The following MTMR7 variants were observed in gnomAD, a reference collection of about 807,000 sequenced individuals.
MTMR7 encodes the protein myotubularin related protein 7.
MTMR7 carries 76 observed loss-of-function variants against 81.2 expected under a neutral mutation model. The ratio of observed to expected loss-of-function variants is 0.94; its 90% CI spans 0.78 to 1.13. The LOEUF (loss-of-function observed/expected upper bound fraction) is 1.13. Ranked by LOEUF, MTMR7 falls within the 50% of genes most tolerant of loss-of-function variation. MTMR7 has a pLI of 0.00. For synonymous variants in MTMR7, 372 were observed against 289.8 expected, an observed-to-expected ratio of 1.28 and a Z score of -2.88; for missense variants, 1,044 against 820.0, an observed-to-expected ratio of 1.27 and a Z score of -3.34.
intron 1 of MTMR7, among the ~76,000 whole-genome samples, chr8:17,399,469 G>T (rs1477886687): frequency 6.6e-6 from 1 of 152,072 alleles, no homozygotes; most frequent in African/African-American, 2.4e-5. Flanking sequence ...GCTGAGGAAA[G>T]AAATTAAAGA....
chr8:17,341,406 T>C lies in MTMR7; in HGVS notation c.689A>G (p.Asn230Ser), dbSNP rs140788515. ...GACATAAACGAAGTCACTTCCTGGA[T>C]TGGCTTTCCTAATGGCCTGGAGCAT... Reference protein sequence around the residue: ...EQMLQAIRKANPGSDFVYVVD... With the variant: ...EQMLQAIRKASPGSDFVYVVD... The change falls in exon 6 of 14, where the codon AAT becomes AGT. Residue 230 changes from asparagine to serine, a missense_variant. Physicochemically the swap from Asn to Ser is conservative, Grantham distance 46. Transcript: ENST00000180173. 314 of 1,614,224 alleles carry C rather than the reference T, an allele frequency of 1.9e-4. No individual in the cohort carries two copies. Among genetic ancestry groups the C allele is most frequent in the African/African-American group, 4.1e-4 (31 of 75,060 alleles).
At chr8:17,310,537 C>T (rs145726355) in intron 9 of MTMR7, among the ~76,000 whole-genome samples, 3 of 152,226 alleles carry the variant, frequency 2.0e-5, no homozygotes, top group African/African-American at 7.2e-5. Context: ...GACTGGCAAC[C>T]TCTTTACTCT....
intron 3 of MTMR7, among the ~76,000 whole-genome samples, chr8:17,362,360 T>A (rs566575317): frequency 5.9e-5 from 9 of 152,242 alleles, no homozygotes; most frequent in Non-Finnish European, 1.3e-4. Flanking sequence ...GGCTACCACC[T>A]TGGACAGTGC....
chr8:17,317,994 A>G (rs117456297), intron 7 of MTMR7, among the ~76,000 whole-genome samples: 4 of 152,248 alleles, frequency 2.6e-5, no homozygotes, highest in Non-Finnish European at 5.9e-5. Flanking sequence ...ACTGGAACAG[A>G]AACAAGAAAT....
intron 1 of MTMR7, among the ~76,000 whole-genome samples, chr8:17,398,540 G>C (rs566216611): frequency 2.0e-5 from 3 of 151,998 alleles, no homozygotes; most frequent in Non-Finnish European, 4.4e-5. Flanking sequence ...AAAACAATGA[G>C]GCATGCCTAC....
intron 1 of MTMR7, among the ~76,000 whole-genome samples, chr8:17,384,990 G>A (rs1328898724): frequency 5.9e-5 from 9 of 152,078 alleles, no homozygotes; most frequent in Non-Finnish European, 1.3e-4. Flanking sequence ...AGATACCTCT[G>A]GTATAATGAA....
intron 3 of MTMR7, 62 bp from the exon 4 acceptor site, chr8:17,361,336 C>A (rs1394888423): frequency 1.9e-6 from 3 of 1,586,852 alleles, no homozygotes; most frequent in South Asian, 1.1e-5. Flanking sequence ...CAAATCTCCC[C>A]GAAAACATTC....
intron 3 of MTMR7, among the ~76,000 whole-genome samples, chr8:17,364,090 C>T (rs1459658865): frequency 6.1e-5 from 8 of 130,632 alleles, no homozygotes; most frequent in Non-Finnish European, 1.1e-4. Context: ...AGTGCAGTGG[C>T]GCGATCTCGG....
At chr8:17,350,883 A>C (rs1484864725) in intron 4 of MTMR7, among the ~76,000 whole-genome samples, 1 of 152,212 alleles carries the variant, frequency 6.6e-6, no homozygotes, top group African/African-American at 2.4e-5. Context: ...AAGATTACCA[A>C]AGAGTTTAAC....
intron 1 of MTMR7, among the ~76,000 whole-genome samples, chr8:17,398,606 G>A (rs1377006107): frequency 1.3e-5 from 2 of 152,086 alleles, no homozygotes; most frequent in Non-Finnish European, 2.9e-5. Context: ...TTAAAGAGGA[G>A]GTAGAGAAAG....
At chr8:17,400,051 G>C (rs1455262649) in intron 1 of MTMR7, among the ~76,000 whole-genome samples, 1 of 152,154 alleles carries the variant, frequency 6.6e-6, no homozygotes, top group African/African-American at 2.4e-5. Context: ...TATTATGGCA[G>C]AGGAATACCC....
At chr8:17,313,007 A>T (rs1188149104) in intron 8 of MTMR7, among the ~76,000 whole-genome samples, 2 of 152,234 alleles carry the variant, frequency 1.3e-5, no homozygotes, top group African/African-American at 4.8e-5. Context: ...ATTTGGTTGT[A>T]TTCTACAGAA....
chr8:17,341,534 G>A (rs767241948), intron 5 of MTMR7, 37 bp from the exon 6 acceptor site: 2 of 1,608,394 alleles, frequency 1.2e-6, no homozygotes, highest in Non-Finnish European at 1.7e-6. Context: ...GCACCATCAG[G>A]TAACTGTACC....
intron 1 of MTMR7, among the ~76,000 whole-genome samples, chr8:17,377,422 A>G (rs996181996): frequency 1.3e-5 from 2 of 151,992 alleles, no homozygotes; most frequent in African/African-American, 4.8e-5. Context: ...TAATACTGTG[A>G]ATTGTTTTCT....
Position 17,309,272 on chromosome 8 carries a change from C to A in MTMR7, c.1151+5G>T. 6.6e-7 allele frequency: 1 copy of A among 1,516,878 alleles called. No individual in the cohort carries two copies. The highest frequency in any genetic ancestry group is 9.2e-7 in the Non-Finnish European group (1 of 1,092,772). The allele number at this position is 1,516,878 out of a possible 1,614,324, so 94.0% of individuals were successfully genotyped here. On this transcript the variant is annotated splice_donor_5th_base_variant and intron_variant, in intron 10 of 13. Transcript: ENST00000180173. ...ACATTCAAAACAGTCTTAAATATTA[C>A]TTACCGGTGATTAAACTTATGACCA...
chr8:17,308,426 T>C (rs1394607705), intron 10 of MTMR7, among the ~76,000 whole-genome samples: 5 of 152,098 alleles, frequency 3.3e-5, no homozygotes, highest in Admixed American at 6.5e-5. Context: ...ATTAGAAAAA[T>C]AGAATTCCTG....
intron 7 of MTMR7, 55 bp downstream of exon 7, chr8:17,331,095 T>C (rs1563338934): frequency 1.3e-6 from 2 of 1,566,050 alleles, no homozygotes; most frequent in Admixed American, 2.0e-5. Flanking sequence ...TTATTCCCTT[T>C]TGGCATCAAA....
At chr8:17,405,212 T>A (rs916283297) in intron 1 of MTMR7, among the ~76,000 whole-genome samples, 5 of 152,214 alleles carry the variant, frequency 3.3e-5, no homozygotes, top group Non-Finnish European at 7.3e-5. Context: ...ACTAGGGGAT[T>A]CACTGTCAAG....
rs1006142052 is a variant in MTMR7, at chr8:17,300,207, T to C, written c.1638A>G (p.Gln546=). 1.4e-5 allele frequency: 22 copies of C among 1,603,050 alleles called. No homozygotes were observed. The East Asian group carries it at 2.5e-4, about 18-fold the overall frequency. ...CCTTAGTGCAATTTAACTGGACCTTTTGAATTTTTTCCAGCCTCTAAGAAA... is the reference window on the plus strand; with the variant it reads ...CCTTAGTGCAATTTAACTGGACCTTCTGAATTTTTTCCAGCCTCTAAGAAA... ...EALEERLEKI[Q]KVQLNCTKVK... The change falls in exon 14 of 14, where the codon CAA becomes CAG. Residue 546 remains glutamine, a synonymous_variant. Transcript: ENST00000180173.
Sources: gnomAD v4.1 joint callset for allele counts (sites outside exome capture counted in the v4.1 genomes callset) on GRCh38, gnomAD v4.1.1 for gene constraint, MANE v1.5 for transcripts, NCBI Gene and HGNC (gene_info 2026-07-23, HGNC 2026-07-21) for gene names.